Variants in TENM2 observed in about 807,000 individuals in gnomAD.
The protein encoded by TENM2 is teneurin-2.
A neutral mutation model predicts 245.2 loss-of-function variants in TENM2; 52 were observed. The ratio of observed to expected loss-of-function variants is 0.21; its 90% CI spans 0.17 to 0.27. The LOEUF (loss-of-function observed/expected upper bound fraction) is 0.27. TENM2 is among the 10% of genes least tolerant of loss of function. The pLI, the probability that TENM2 is intolerant of heterozygous loss-of-function variation, is 1.00. For missense variants in TENM2, 3,046 were observed against 3,666.8 expected (o/e 0.83, Z 4.37); for synonymous variants, 1,363 against 1,438.9 (o/e 0.95, Z 1.19).
the TENM2 span, among the ~76,000 whole-genome samples, chr5:167,214,446 A>C: frequency 1.3e-5 from 2 of 152,204 alleles, no homozygotes; most frequent in African/African-American, 4.8e-5. Flanking sequence ...ATTACAATTC[A>C]GAACCTTCCT....
intron 5 of TENM2, among the ~76,000 whole-genome samples, chr5:168,022,259 A>G (rs1786217596): frequency 6.6e-6 from 1 of 152,206 alleles, no homozygotes; most frequent in Admixed American, 6.5e-5. Context: ...TCTCTCTGGT[A>G]TCACTCCGAG....
At chr5:167,150,846 A>T in the TENM2 span, among the ~76,000 whole-genome samples, 1 of 152,238 alleles carries the variant, frequency 6.6e-6, no homozygotes, top group Non-Finnish European at 1.5e-5. Context: ...TCAATATAAT[A>T]AGCCAATATC....
chr5:167,752,443 G>A (rs763499404), intron 2 of TENM2, among the ~76,000 whole-genome samples: 19 of 151,130 alleles, frequency 1.3e-4, no homozygotes, highest in Non-Finnish European at 2.5e-4. Flanking sequence ...AAACACCTGT[G>A]TGAGCACCCT....
intron 2 of TENM2, among the ~76,000 whole-genome samples, chr5:167,774,454 C>T (rs559986273): frequency 3.9e-5 from 6 of 152,246 alleles, no homozygotes; most frequent in South Asian, 2.1e-4. Context: ...TAGACCTAGA[C>T]GTGGATGCAT....
At chr5:167,487,684 T>C (rs1308792827) in intron 2 of TENM2, among the ~76,000 whole-genome samples, 5 of 152,158 alleles carry the variant, frequency 3.3e-5, no homozygotes, top group Non-Finnish European at 7.3e-5. Flanking sequence ...TGTTAAATCT[T>C]TTGGCTGGTT....
intron 2 of TENM2, among the ~76,000 whole-genome samples, chr5:167,440,164 A>AG (rs1424453575): frequency 2.6e-5 from 4 of 152,222 alleles, no homozygotes; most frequent in Admixed American, 1.3e-4. Flanking sequence ...TATAGATAAT[A>AG]GGGTCATATT....
intron 2 of TENM2, among the ~76,000 whole-genome samples, chr5:167,459,292 G>A (rs1766133499): frequency 6.6e-6 from 1 of 152,180 alleles, no homozygotes; most frequent in Admixed American, 6.5e-5. Flanking sequence ...ATGTTCTCAA[G>A]GTTCATCTGG....
intron 2 of TENM2, among the ~76,000 whole-genome samples, chr5:167,445,371 T>TGA (rs370726285): frequency 2.4e-5 from 2 of 81,642 alleles, no homozygotes; most frequent in African/African-American, 1.3e-4. Flanking sequence ...AGAGAGAGAG[T>TGA]GTCAGGTGTT....
the TENM2 span, among the ~76,000 whole-genome samples, chr5:167,279,562 C>G: frequency 0.071 from 8,401 of 118,350 alleles, 286 homozygotes; most frequent in Admixed American, 0.14. Context: ...TCCTTCCTTC[C>G]TTCCTTCTTT....
intron 9 of TENM2, among the ~76,000 whole-genome samples, chr5:168,116,673 A>G (rs952718376): frequency 1.3e-5 from 2 of 152,230 alleles, no homozygotes; most frequent in African/African-American, 2.4e-5. Flanking sequence ...CCTGTCTTGA[A>G]TAGCTGACTA....
chr5:167,279,542 C>CTTCT, the TENM2 span, among the ~76,000 whole-genome samples: 2 of 141,216 alleles, frequency 1.4e-5, no homozygotes, highest in Non-Finnish European at 3.1e-5. Flanking sequence ...TCCTTCCTTC[C>CTTCT]TTCCTTCCTT....
chr5:167,732,686 C>T (rs536454537), intron 2 of TENM2, among the ~76,000 whole-genome samples: 16 of 152,186 alleles, frequency 1.1e-4, no homozygotes, highest in Admixed American at 2.6e-4. Flanking sequence ...TTATTGTGCA[C>T]GGATGATTTT....
chr5:167,402,225 C>T (rs1191839081), intron 2 of TENM2, among the ~76,000 whole-genome samples: 1 of 152,022 alleles, frequency 6.6e-6, no homozygotes, highest in Non-Finnish European at 1.5e-5. Context: ...TATAAATATC[C>T]ATTTTAAAAG....
At chr5:167,571,951 A>G (rs1377561546) in intron 2 of TENM2, among the ~76,000 whole-genome samples, 1 of 152,092 alleles carries the variant, frequency 6.6e-6, no homozygotes, top group Non-Finnish European at 1.5e-5. Flanking sequence ...CCCAGTCACC[A>G]CTTCCCTCCC....
chr5:167,891,387 T>C (rs575100008), intron 3 of TENM2, among the ~76,000 whole-genome samples: 1 of 152,170 alleles, frequency 6.6e-6, no homozygotes, highest in East Asian at 1.9e-4. Flanking sequence ...GTGATTCTCC[T>C]GCCTCAGCCT....
intron 4 of TENM2, among the ~76,000 whole-genome samples, chr5:167,982,879 ACTGT>A (rs1782948705): frequency 6.6e-6 from 1 of 152,210 alleles, no homozygotes; most frequent in Admixed American, 6.5e-5. Flanking sequence ...CAGCTTGAAC[ACTGT>A]CTAACTGTCT....
chr5:167,005,092 C>G, the TENM2 span, among the ~76,000 whole-genome samples: 3 of 152,156 alleles, frequency 2.0e-5, no homozygotes, highest in Middle Eastern at 3.4e-3. Flanking sequence ...GGACTTTTCC[C>G]CCCCATTTAA....
chr5:167,901,109 A>G lies in TENM2; in HGVS notation c.712+24914A>G, dbSNP rs543660043. Among the ~76,000 whole-genome samples, 5 of 152,296 alleles carry G rather than the reference A, an allele frequency of 3.3e-5. No individual in the cohort carries two copies. The East Asian group carries it at 5.8e-4, about 18-fold the overall frequency. On this transcript the variant is annotated intron_variant, in intron 3 of 28. Transcript: ENST00000518659. The stretch of plus-strand genomic sequence containing the variant: ...TATGCATGTGCAATTTAAGAAGACA[A>G]TGAAAACCACCCAAAATTGAACACC...
chr5:168,248,216 C>G (rs764440604), exon 27 of TENM2: 3 of 1,614,054 alleles, frequency 1.9e-6, no homozygotes, highest in Non-Finnish European at 2.5e-6. Flanking sequence ...GTCCACTTCA[C>G]TCAGCGTGAT....
Sources: gnomAD v4.1 joint callset for allele counts (sites outside exome capture counted in the v4.1 genomes callset) on GRCh38, gnomAD v4.1.1 for gene constraint, MANE v1.5 for transcripts, NCBI Gene and HGNC (gene_info 2026-07-23, HGNC 2026-07-21) for gene names.